The following CNTN5 variants were observed in gnomAD, a reference collection of about 807,000 sequenced individuals.
CNTN5 encodes contactin 5.
CNTN5 carries 77 observed loss-of-function variants against 129.1 expected under a neutral mutation model. The observed-to-expected ratio is 0.60, with a 90% CI of 0.50 to 0.72. The LOEUF (loss-of-function observed/expected upper bound fraction) is 0.72. CNTN5 is among the 30% of genes least tolerant of loss of function. The probability of loss-of-function intolerance (pLI) is 0.00; values close to 1 mark genes in which losing one functional copy is unlikely to be tolerated. For synonymous variants in CNTN5, 509 were observed against 465.6 expected (o/e 1.09, Z -1.20); for missense variants, 1,478 against 1,328.8 (o/e 1.11, Z -1.75).
chr11:99,109,730 A>C (rs192013283), intron 1 of CNTN5, among the ~76,000 whole-genome samples: 9 of 152,300 alleles, frequency 5.9e-5, no homozygotes, highest in African/African-American at 1.7e-4. Flanking sequence ...AATGGCTTCC[A>C]GTAAAACATA....
chr11:100,027,465 C>A (rs775338570), intron 9 of CNTN5, among the ~76,000 whole-genome samples: 1 of 152,150 alleles, frequency 6.6e-6, no homozygotes, highest in African/African-American at 2.4e-5. Flanking sequence ...ATGATATTTT[C>A]CACATGGATG....
chr11:99,254,630 T>C (rs192542254), intron 1 of CNTN5, among the ~76,000 whole-genome samples: 8 of 152,092 alleles, frequency 5.3e-5, no homozygotes, highest in Admixed American at 5.2e-4. Context: ...ATACCTTGAA[T>C]GTTCCTATTT....
At chr11:100,326,529 A>C (rs1230241342) in intron 21 of CNTN5, among the ~76,000 whole-genome samples, 1 of 152,152 alleles carries the variant, frequency 6.6e-6, no homozygotes. Flanking sequence ...CCCCTAGTTT[A>C]AGCTACGCTC....
At chr11:99,839,145 A>T (rs757020710) in intron 4 of CNTN5, among the ~76,000 whole-genome samples, 2 of 152,192 alleles carry the variant, frequency 1.3e-5, no homozygotes, top group East Asian at 3.9e-4. Flanking sequence ...AGGCATGAAA[A>T]GGTTACTTTC....
chr11:99,290,510 G>A lies in CNTN5; in HGVS notation c.-209-34836G>A, dbSNP rs555879093. On this transcript the variant is annotated intron_variant, in intron 1 of 24. Coordinates refer to ENST00000524871, the MANE Select transcript of CNTN5 (RefSeq NM_014361.4). ...GAGTTCTCTGCAGGTAACATAGACA[G>A]AGGTGGTGTTTCATTTTTCATTCTA... 6.8e-4 allele frequency among the ~76,000 whole-genome samples: 103 copies of A among 151,938 alleles called. No individual in the cohort carries two copies. The South Asian group carries it at 0.02, about 30-fold the overall frequency.
chr11:100,264,058 T>TTA (rs1052954283), intron 17 of CNTN5, among the ~76,000 whole-genome samples: 6 of 152,174 alleles, frequency 3.9e-5, no homozygotes, highest in African/African-American at 1.4e-4. Flanking sequence ...TACTTTTTGT[T>TTA]TATATATATA....
chr11:99,764,596 A>G (rs1944692123), intron 3 of CNTN5, among the ~76,000 whole-genome samples: 1 of 151,978 alleles, frequency 6.6e-6, no homozygotes, highest in Non-Finnish European at 1.5e-5. Flanking sequence ...TTGCATTTTT[A>G]GTAGAGTTGG....
At chr11:99,894,782 T>C (rs953586296) in intron 6 of CNTN5, among the ~76,000 whole-genome samples, 3 of 152,106 alleles carry the variant, frequency 2.0e-5, no homozygotes, top group African/African-American at 4.8e-5. Flanking sequence ...AAAGTCAAAT[T>C]GGAGAGGATT....
chr11:99,810,094 C>T (rs1185455580), intron 3 of CNTN5, among the ~76,000 whole-genome samples: 1 of 151,850 alleles, frequency 6.6e-6, no homozygotes, highest in Non-Finnish European at 1.5e-5. Context: ...TTTTTAAAAA[C>T]TTAACAGCCA....
intron 23 of CNTN5, among the ~76,000 whole-genome samples, chr11:100,348,199 T>A (rs1212751739): frequency 0.017 from 1 of 60 alleles, no homozygotes; most frequent in African/African-American, 0.5. Context: ...TCAATAACTA[T>A]TTTTTTCTAT....
chr11:99,376,192 A>G (rs1465220852), intron 2 of CNTN5, among the ~76,000 whole-genome samples: 1 of 152,228 alleles, frequency 6.6e-6, no homozygotes. Context: ...TTCCAGTCTC[A>G]GTGTACCTTT....
chr11:99,741,214 A>G (rs557988552), intron 3 of CNTN5, among the ~76,000 whole-genome samples: 5 of 152,302 alleles, frequency 3.3e-5, no homozygotes, highest in Middle Eastern at 3.4e-3. Context: ...AGAACGACTA[A>G]CAGTTTGCAC....
intron 1 of CNTN5, among the ~76,000 whole-genome samples, chr11:99,127,295 A>T (rs1476520514): frequency 2.6e-5 from 4 of 152,130 alleles, no homozygotes; most frequent in African/African-American, 9.7e-5. Flanking sequence ...GTCTGTCTTC[A>T]ATGTCATAAA....
intron 3 of CNTN5, among the ~76,000 whole-genome samples, chr11:99,560,599 T>G (rs1361232373): frequency 6.6e-6 from 1 of 152,080 alleles, no homozygotes; most frequent in Non-Finnish European, 1.5e-5. Context: ...CCTGTATTAT[T>G]AATAGGAAGC....
At chr11:99,956,685 T>C (rs1591478843) in intron 7 of CNTN5, 121 bp from the exon 8 acceptor site, 1 of 649,810 alleles carries the variant, frequency 1.5e-6, no homozygotes. Flanking sequence ...TATAGATACA[T>C]GGATCAAATA....
intron 2 of CNTN5, among the ~76,000 whole-genome samples, chr11:99,343,369 T>C (rs2136062188): frequency 6.6e-6 from 1 of 152,318 alleles, no homozygotes; most frequent in Admixed American, 6.5e-5. Context: ...CAGCTCAGCA[T>C]GATAAAAAGG....
At chr11:99,026,774 G>A (rs755617012) in intron 1 of CNTN5, among the ~76,000 whole-genome samples, 8 of 151,554 alleles carry the variant, frequency 5.3e-5, no homozygotes, top group Admixed American at 1.3e-4. Flanking sequence ...GATGGAATTA[G>A]AACCCACATC....
At chr11:100,291,532 C>G (rs945787324) in intron 18 of CNTN5, among the ~76,000 whole-genome samples, 18 of 150,008 alleles carry the variant, frequency 1.2e-4, no homozygotes, top group Non-Finnish European at 3.0e-5. Context: ...ACCGCATATT[C>G]TCACTCATAG....
intron 3 of CNTN5, among the ~76,000 whole-genome samples, chr11:99,711,931 G>A (rs1170158147): frequency 6.6e-6 from 1 of 151,974 alleles, no homozygotes; most frequent in African/African-American, 2.4e-5. Flanking sequence ...GAATCGTGCT[G>A]CAGTAAACAT....
Sources: gnomAD v4.1 joint callset for allele counts (sites outside exome capture counted in the v4.1 genomes callset) on GRCh38, gnomAD v4.1.1 for gene constraint, MANE v1.5 for transcripts, NCBI Gene and HGNC (gene_info 2026-07-23, HGNC 2026-07-21) for gene names.